The following CYC1 variants were observed in gnomAD, a reference collection of about 807,000 sequenced individuals.
CYC1 encodes the protein cytochrome c1, also known as cytochrome c1, heme protein, mitochondrial.
Under a neutral mutation model 33.8 loss-of-function variants are expected in CYC1, and 10 were observed. That is an observed-to-expected ratio of 0.30 (90% CI 0.18 to 0.50). CYC1 has a LOEUF of 0.50. Among genes scored for constraint, CYC1 ranks in the 20% least tolerant of loss-of-function variants. CYC1 has a pLI of 0.98. For missense variants in CYC1, 459 were observed against 437.6 expected, an observed-to-expected ratio of 1.05 and a Z score of -0.44; for synonymous variants, 224 against 181.9, an observed-to-expected ratio of 1.23 and a Z score of -1.86.
At position 144,095,114 on chromosome 8, in the gene CYC1, G is replaced by A. The variant is rs941644836; in HGVS notation, c.15G>A (p.Ala5=). 6 of 1,210,410 alleles carry A rather than the reference G, an allele frequency of 5.0e-6. No individual in the cohort carries two copies. The highest frequency in any genetic ancestry group is 1.6e-5 in the African/African-American group (1 of 63,402). The allele number at this position is 1,210,410 out of a possible 1,614,324, so 75.0% of individuals were successfully genotyped here. MAAA[A]ASLRGVVLGP... is the part of the protein sequence containing the mutation. ...AGGAGGCCAAGATGGCGGCAGCTGC[G>A]GCTTCGCTTCGCGGGGTAGTGTTGG... Residue 5 remains alanine, a synonymous_variant, in exon 1 of 7, where the codon GCG becomes GCA. Coordinates refer to ENST00000318911, the MANE Select transcript of CYC1 (RefSeq NM_001916.5).
Position 144,096,329 on chromosome 8 carries a change from G to A in CYC1, c.454-8G>A, listed in dbSNP as rs762884681. ...ATGGCAGGGTTGTGATGAGGCTCTCGGTGGCAGGTGGAGGTTCAAGACGGC... is the reference window on the plus strand; with the variant it reads ...ATGGCAGGGTTGTGATGAGGCTCTCAGTGGCAGGTGGAGGTTCAAGACGGC... On this transcript the variant is annotated splice_region_variant and splice_polypyrimidine_tract_variant and intron_variant, in intron 3 of 6. Coordinates refer to ENST00000318911, the MANE Select transcript of CYC1 (RefSeq NM_001916.5). 6.2e-6 allele frequency: 10 copies of A among 1,613,272 alleles called. No individual in the cohort carries two copies. The highest frequency in any genetic ancestry group is 3.3e-5 in the South Asian group (3 of 91,072).
At chr8:144,096,968 A>G (rs1836173052) in intron 5 of CYC1, 66 bp from the exon 6 acceptor site, 2 of 1,399,212 alleles carry the variant, frequency 1.4e-6, no homozygotes, top group Non-Finnish European at 2.0e-6. Context: ...TGCTTCACAG[A>G]GGGGGGGCAT....
At chr8:144,097,189 G>C (rs199860966) in intron 6 of CYC1, 43 bp from the exon 7 acceptor site, 1 of 1,609,210 alleles carries the variant, frequency 6.2e-7, no homozygotes, top group Non-Finnish European at 8.5e-7. Flanking sequence ...GAGCTGGGCA[G>C]GGCTCCTCCC....
rs780653499 is a variant in CYC1 at position 144,097,085 on chromosome 8, G to T, written c.824G>T (p.Arg275Leu). The change falls in exon 6 of 7, where the codon CGC becomes CTC. Residue 275 changes from arginine to leucine, a missense_variant. Physicochemically the swap from Arg to Leu is moderately radical, Grantham distance 102 (BLOSUM62 -2). Coordinates refer to ENST00000318911, the MANE Select transcript of CYC1 (RefSeq NM_001916.5). ...QIAKDVCTFL[R>L]WASEPEHDHR... The stretch of plus-strand genomic sequence containing the variant: ...GCCAAGGATGTGTGCACCTTCCTGC[G>T]CTGGGCATCTGAGCCAGAGCACGAC... The T allele has an allele frequency of 6.2e-7, 1 of 1,611,744 alleles. No individual in the cohort carries two copies. Among genetic ancestry groups the T allele is most frequent in the Non-Finnish European group, 8.5e-7 (1 of 1,178,902 alleles).
At chr8:144,097,180 A>C in intron 6 of CYC1, 46 bp downstream of exon 6, 1 of 1,609,680 alleles carries the variant, frequency 6.2e-7, no homozygotes, top group Non-Finnish European at 8.5e-7. Context: ...AAGGGCTGGG[A>C]GCTGGGCAGG....
Position 144,095,213 on chromosome 8 carries a change from G to C in CYC1, c.114G>C (p.Pro38=), listed in dbSNP as rs1168744948. The C allele has an allele frequency of 8.3e-7, 1 of 1,201,278 alleles. No individual in the cohort carries two copies. The highest frequency in any genetic ancestry group is 1.0e-6 in the Non-Finnish European group (1 of 967,746). The allele number at this position is 1,201,278 out of a possible 1,614,324, so 74.4% of individuals were successfully genotyped here. A position where few individuals can be genotyped will look rare whatever the true frequency, so the allele number is the denominator to read the frequency against. The change falls in exon 1 of 7, where the codon CCG becomes CCC. Residue 38 remains proline (P), a synonymous_variant. Coordinates refer to ENST00000318911, the MANE Select transcript of CYC1 (RefSeq NM_001916.5). ...GCAGCGCGCGTCCCGGGCAGCTCCC[G>C]CTACGGACACCTCAGGTGAGCGCTG... The part of the protein sequence containing the change: ...LLCSARPGQL[P]LRTPQAVALS...
Position 144,095,119 on chromosome 8 carries a change from C to T in CYC1, c.20C>T (p.Ser7Leu), listed in dbSNP as rs1444354171. MAAAAASLRGVVLGPRG... is the reference protein window; with the variant it reads MAAAAALLRGVVLGPRG... Reference sequence around the variant, plus strand: ...GCCAAGATGGCGGCAGCTGCGGCTTCGCTTCGCGGGGTAGTGTTGGGCCCG... The same window carrying T: ...GCCAAGATGGCGGCAGCTGCGGCTTTGCTTCGCGGGGTAGTGTTGGGCCCG... The change falls in exon 1 of 7, where the codon TCG (serine) becomes TTG (leucine). Residue 7 changes from serine to leucine, a missense_variant. Physicochemically the swap from Ser to Leu is moderately radical, Grantham distance 145. Coordinates refer to ENST00000318911, the MANE Select transcript of CYC1 (RefSeq NM_001916.5). 3.3e-6 allele frequency: 4 copies of T among 1,210,478 alleles called. No homozygotes were observed. Among genetic ancestry groups the T allele is most frequent in the African/African-American group, 1.6e-5 (1 of 63,410 alleles). 75.0% of individuals were successfully genotyped at this position (1,210,478 alleles called of 1,614,324 possible).
chr8:144,095,977 C>A lies in CYC1; in HGVS notation c.274C>A (p.Pro92Thr). 1 of 1,607,298 alleles carries A rather than the reference C, an allele frequency of 6.2e-7. No homozygotes were observed. The highest frequency in any genetic ancestry group is 1.3e-5 in the African/African-American group (1 of 74,982). Residue 92 changes from proline (P) to threonine (T), a missense_variant, in exon 2 of 7, where the codon CCC becomes ACC. Physicochemically the swap from Pro to Thr is conservative, Grantham distance 38. Coordinates refer to ENST00000318911, the MANE Select transcript of CYC1 (RefSeq NM_001916.5). ...TGCCAGTGACCTGGAGCTGCACCCCCCCAGCTATCCGTGGTCTCACCGTGG... is the reference window on the plus strand; with the variant it reads ...TGCCAGTGACCTGGAGCTGCACCCCACCAGCTATCCGTGGTCTCACCGTGG... ...VSASDLELHPPSYPWSHRGLL... is the reference protein window; with the variant it reads ...VSASDLELHPTSYPWSHRGLL...
Position 144,095,961 on chromosome 8 carries a change from C to T in CYC1, c.258C>T (p.Asp86=), listed in dbSNP as rs200527190. ...TGCATTCGGCTGTGAGTGCCAGTGA[C>T]CTGGAGCTGCACCCCCCCAGCTATC... ...MALHSAVSAS[D]LELHPPSYPW... The change falls in exon 2 of 7, where the codon GAC becomes GAT. Residue 86 remains aspartate, a synonymous_variant. Transcript: ENST00000318911. 127 of 1,608,084 alleles carry T rather than the reference C, an allele frequency of 7.9e-5. No homozygotes were observed. Among genetic ancestry groups the T allele is most frequent in the Middle Eastern group, 1.6e-4 (1 of 6,072 alleles).
rs1836184596 is a variant in CYC1 at position 144,097,303 on chromosome 8, G to A, written c.945G>A (p.Lys315=). ...TIKRHKWSVL[K]SRKLAYRPPK ...AGCGGCACAAGTGGTCAGTCCTGAA[G>A]AGTCGGAAGCTGGCATATCGGCCGC... Residue 315 remains lysine (K), a synonymous_variant, in exon 7 of 7, where the codon AAG becomes AAA. Coordinates refer to ENST00000318911, the MANE Select transcript of CYC1 (RefSeq NM_001916.5). The A allele has an allele frequency of 1.9e-6, 3 of 1,614,116 alleles. No individual in the cohort carries two copies. In the Admixed American group the frequency reaches 5.0e-5, roughly 27 times the overall value.
intron 6 of CYC1, 30 bp from the exon 7 acceptor site, chr8:144,097,202 C>G (rs1216778979): frequency 1.2e-6 from 2 of 1,611,138 alleles, no homozygotes; most frequent in Non-Finnish European, 1.7e-6. Flanking sequence ...CTCCTCCCCA[C>G]TCCCTTCTCT....
chr8:144,096,298 G>T, intron 3 of CYC1, 39 bp from the exon 4 acceptor site: 1 of 1,613,978 alleles, frequency 6.2e-7, no homozygotes, highest in East Asian at 2.2e-5. Flanking sequence ...GGCTCCCACT[G>T]TTGAGATGGC....
rs758833659 is a variant in CYC1, at chr8:144,096,766, AGTGGGCATGTGGAATACT to A, written c.772+23_772+40del. The stretch of plus-strand genomic sequence containing the variant: ...GATGGTAAGAGGCCTCCAGTCTGGC[AGTGGGCATGTGGAATACT>A]TCTCCACTACCCCCAGGGATGCTTT... On this transcript the variant is annotated intron_variant, in intron 5 of 6. Coordinates refer to ENST00000318911, the MANE Select transcript of CYC1 (RefSeq NM_001916.5). 51 of 20,850 alleles carry A rather than the reference AGTGGGCATGTGGAATACT, an allele frequency of 2.4e-3. 4 individuals are homozygous for A. The Admixed American group carries it at 0.061, about 25-fold the overall frequency. The allele number at this position is 20,850 out of a possible 1,614,324, so 1.3% of individuals were successfully genotyped here. A position where few individuals can be genotyped will look rare whatever the true frequency, so the allele number is the denominator to read the frequency against.
rs769234556 is a variant in CYC1, at chr8:144,097,123, A to C, written c.862A>C (p.Met288Leu). 6.2e-6 allele frequency: 10 copies of C among 1,612,296 alleles called. No homozygotes were observed. The change falls in exon 6 of 7, where the codon ATG becomes CTG. Residue 288 changes from methionine to leucine, a missense_variant. Met to Leu is a conservative substitution (Grantham distance 15). Coordinates refer to ENST00000318911, the MANE Select transcript of CYC1 (RefSeq NM_001916.5). ...GCCAGAGCACGACCATCGAAAACGC[A>C]TGGGGCTCAAGGTAAAAGGGTTGGG... ...SEPEHDHRKR[M>L]GLKMLMMMAL...
intron 1 of CYC1, 154 bp from the exon 2 acceptor site, chr8:144,095,679 C>T (rs1323715062): frequency 2.7e-6 from 2 of 752,894 alleles, no homozygotes; most frequent in Non-Finnish European, 4.4e-6. Context: ...TAGGGGTCAG[C>T]GGCGGAGAGG....
At chr8:144,095,292 G>A in intron 1 of CYC1, 64 bp downstream of exon 1, 2 of 1,179,502 alleles carry the variant, frequency 1.7e-6, no homozygotes, top group Non-Finnish European at 2.1e-6. Context: ...TCACGGCGGG[G>A]AGGCTGCGGG....
chr8:144,095,426 TC>T (rs984676072), intron 1 of CYC1, 198 bp downstream of exon 1: 3 of 448,804 alleles, frequency 6.7e-6, no homozygotes, highest in African/African-American at 2.1e-5. Context: ...AGAGAGCCCG[TC>T]CCCAGCGTGG....
chr8:144,096,043 T>C lies in CYC1; in HGVS notation c.326+14T>C. 6.2e-7 allele frequency: 1 copy of C among 1,600,034 alleles called. No individual in the cohort carries two copies. The highest frequency in any genetic ancestry group is 8.5e-7 in the Non-Finnish European group (1 of 1,174,476). ...GGACCACACCAGGTGTGCAGCTGGCTGGCTGGCTGGCAGCGGGAGGTTCTG... is the reference window on the plus strand; with the variant it reads ...GGACCACACCAGGTGTGCAGCTGGCCGGCTGGCTGGCAGCGGGAGGTTCTG... On this transcript the variant is annotated intron_variant, in intron 2 of 6. Transcript: ENST00000318911.
rs775464970 is a variant in CYC1, at chr8:144,097,035, C to T, written c.774C>T (p.Gly258=). The change falls in exon 6 of 7, where the codon GGC becomes GGT. Residue 258 remains glycine, a splice_region_variant and synonymous_variant. Transcript: ENST00000318911. ...CCCTCACTGCTTGTCGTTGGCCAGG[C>T]ACCCCAGCTACCATGTCCCAGATAG... ...IYTDVLEFDD[G]TPATMSQIAK... 6.9e-6 allele frequency: 11 copies of T among 1,603,632 alleles called. No individual in the cohort carries two copies. Among genetic ancestry groups the T allele is most frequent in the South Asian group, 1.1e-5 (1 of 89,466 alleles).
Sources: gnomAD v4.1 joint callset for allele counts on GRCh38, gnomAD v4.1.1 for gene constraint, MANE v1.5 for transcripts, NCBI Gene and HGNC (gene_info 2026-07-23, HGNC 2026-07-21) for gene names.